ELP4: variants seen among roughly 807,000 people sequenced by gnomAD.
The protein encoded by ELP4 is elongator complex protein 4.
Under a neutral mutation model 48.9 loss-of-function variants are expected in ELP4, and 51 were observed. The observed-to-expected ratio is 1.04, with a 90% CI of 0.83 to 1.32. The LOEUF is 1.32. ELP4 is among the 40% of genes most tolerant of loss of function. ELP4 has a pLI of 0.00. For missense variants in ELP4, 519 were observed against 514.6 expected (o/e 1.01, Z -0.08); for synonymous variants, 210 against 189.2 (o/e 1.11, Z -0.90).
At chr11:31,567,381 T>A (rs1282246509) in intron 3 of ELP4, among the ~76,000 whole-genome samples, 1 of 152,262 alleles carries the variant, frequency 6.6e-6, no homozygotes. Context: ...ATTTTTATTA[T>A]TCTTTACTTG....
intron 9 of ELP4, among the ~76,000 whole-genome samples, chr11:31,744,684 C>A (rs1947538670): frequency 6.6e-6 from 1 of 152,154 alleles, no homozygotes. Context: ...TGACAAAATT[C>A]AACAATGCTT....
At chr11:31,512,064 C>T (rs1168196097) in intron 1 of ELP4, 1 of 152,084 alleles carries the variant, frequency 6.6e-6, no homozygotes, top group Non-Finnish European at 1.5e-5. Flanking sequence ...TAGTTTTAAC[C>T]TCTTAATGAC....
chr11:31,670,177 T>A (rs1037883322), intron 9 of ELP4, among the ~76,000 whole-genome samples: 2 of 152,198 alleles, frequency 1.3e-5, no homozygotes, highest in African/African-American at 4.8e-5. Context: ...TATCTCTTCC[T>A]CTTGCCTTTA....
intron 5 of ELP4, among the ~76,000 whole-genome samples, chr11:31,624,003 A>T (rs1944685392): frequency 6.6e-6 from 1 of 151,842 alleles, no homozygotes; most frequent in African/African-American, 2.4e-5. Context: ...CATTAAAAAG[A>T]CAATGAGGTT....
rs1302948636 is a variant in ELP4 at position 31,528,761 on chromosome 11, A to G, written c.259+8670A>G. On this transcript the variant is annotated intron_variant, in intron 2 of 9. Coordinates refer to ENST00000640961, the MANE Select transcript of ELP4 (RefSeq NM_019040.5). ...AAAAGAATGAGCAAATATTGAGGTG[A>G]GGTAAATAATTCAGTTTAAACATAA... Among the ~76,000 whole-genome samples the G allele has an allele frequency of 2.0e-5, 3 of 152,174 alleles. No homozygotes were observed. In the East Asian group the frequency reaches 5.8e-4, roughly 29 times the overall value.
Position 31,650,206 on chromosome 11 carries a change from G to A in ELP4, c.1128G>A (p.Lys376=). The change falls in exon 9 of 10, where the codon AAG becomes AAA. Residue 376 remains lysine, a synonymous_variant. Coordinates refer to ENST00000640961, the MANE Select transcript of ELP4 (RefSeq NM_019040.5). ...ACTTAGCTTTTAAATTAAAAAGGAA[G>A]CTATTCACCATTGAGGTAAGAGAAT... ...VKDLAFKLKR[K]LFTIERLHLP... is the part of the protein sequence containing the mutation. The A allele has an allele frequency of 1.5e-6, 2 of 1,312,630 alleles. No homozygotes were observed. The highest frequency in any genetic ancestry group is 2.6e-5 in the South Asian group (2 of 76,832). 81.3% of individuals were successfully genotyped at this position (1,312,630 alleles called of 1,614,324 possible). A position where few individuals can be genotyped will look rare whatever the true frequency, so the allele number is the denominator to read the frequency against.
chr11:31,603,931 A>G (rs1957826753), intron 5 of ELP4, 24 bp downstream of exon 5: 1 of 1,595,034 alleles, frequency 6.3e-7, no homozygotes, highest in Non-Finnish European at 8.6e-7. Flanking sequence ...CCATTTAATA[A>G]CAAAATCTGA....
Position 31,786,167 on chromosome 11 carries a change from A to G in ELP4, c.*2643A>G, listed in dbSNP as rs995408513. On this transcript the variant is annotated 3_prime_UTR_variant, in exon 10 of 10. Coordinates refer to ENST00000640961, the MANE Select transcript of ELP4 (RefSeq NM_019040.5). Reference sequence around the variant, plus strand: ...TCTTTAAATACTAACAGTAGACAAAATAAAACTACTTTAGAAGGAAGCGAC... The same window carrying G: ...TCTTTAAATACTAACAGTAGACAAAGTAAAACTACTTTAGAAGGAAGCGAC... 1 of 203,786 alleles carries G rather than the reference A, an allele frequency of 4.9e-6. No homozygotes were observed. The highest frequency in any genetic ancestry group is 1.0e-5 in the Non-Finnish European group (1 of 99,320). The allele number at this position is 203,786 out of a possible 1,614,324, so 12.6% of individuals were successfully genotyped here.
At chr11:31,548,237 C>G (rs1000972922) in intron 3 of ELP4, among the ~76,000 whole-genome samples, 3 of 152,144 alleles carry the variant, frequency 2.0e-5, no homozygotes, top group Non-Finnish European at 4.4e-5. Context: ...CTAGAAAATC[C>G]CATTGTCTCA....
chr11:31,648,184 A>G (rs909161906), intron 8 of ELP4: 6 of 168,534 alleles, frequency 3.6e-5, no homozygotes, highest in African/African-American at 1.4e-4. Context: ...TCTAATAATG[A>G]CAGTTTTCTA....
intron 9 of ELP4, chr11:31,653,793 A>T (rs1179544919): frequency 6.6e-6 from 1 of 151,780 alleles, no homozygotes; most frequent in Non-Finnish European, 1.5e-5. Context: ...ACTTGAGTAC[A>T]TGGCGTCACT....
chr11:31,706,984 T>C (rs1231054631), intron 9 of ELP4: 3 of 398,434 alleles, frequency 7.5e-6, no homozygotes, highest in Middle Eastern at 6.3e-4. Context: ...TCATCTTTTT[T>C]TGGACACCTA....
At chr11:31,597,952 C>CTTTTTTTTTTTTTTT (rs58093641) in intron 4 of ELP4, among the ~76,000 whole-genome samples, 1 of 96,298 alleles carries the variant, frequency 1.0e-5, no homozygotes, top group Non-Finnish European at 2.0e-5. Context: ...AGCCTTTTCT[C>CTTTTTTTTTTTTTTT]TTTTTTTTTT....
At chr11:31,702,948 G>C (rs1173283060) in intron 9 of ELP4, among the ~76,000 whole-genome samples, 1 of 152,108 alleles carries the variant, frequency 6.6e-6, no homozygotes, top group African/African-American at 2.4e-5. Context: ...ACTTAGAACA[G>C]TTAAATTCAT....
At chr11:31,654,505 C>T in intron 9 of ELP4, 2 of 151,660 alleles carry the variant, frequency 1.3e-5, no homozygotes, top group Middle Eastern at 6.8e-3. Flanking sequence ...TTTTTATGTA[C>T]TCATGTAATA....
intron 9 of ELP4, among the ~76,000 whole-genome samples, chr11:31,766,505 T>G (rs1948044588): frequency 6.6e-6 from 1 of 152,104 alleles, no homozygotes. Flanking sequence ...CCATTTTTAT[T>G]TTTTTCAGAA....
At chr11:31,590,852 C>T (rs1957556738) in intron 3 of ELP4, among the ~76,000 whole-genome samples, 1 of 152,134 alleles carries the variant, frequency 6.6e-6, no homozygotes, top group South Asian at 2.1e-4. Context: ...CATTCATGAG[C>T]AATCCGCCCC....
chr11:31,762,274 T>C (rs1396803949), intron 9 of ELP4, among the ~76,000 whole-genome samples: 2 of 152,214 alleles, frequency 1.3e-5, no homozygotes, highest in African/African-American at 4.8e-5. Context: ...TGAGGCAAAG[T>C]AGTAAAAAGA....
At chr11:31,611,730 G>A (rs891835151) in intron 5 of ELP4, among the ~76,000 whole-genome samples, 5 of 152,210 alleles carry the variant, frequency 3.3e-5, no homozygotes, top group Admixed American at 6.5e-5. Context: ...AGTGAACAAA[G>A]CAGACGTTAA....
Sources: allele counts gnomAD v4.1 joint callset (sites outside exome capture counted in the v4.1 genomes callset), GRCh38; gene constraint gnomAD v4.1.1; transcripts MANE v1.5; gene names NCBI Gene and HGNC (gene_info 2026-07-23, HGNC 2026-07-21).